Variants in PLPP3 observed in about 807,000 individuals in gnomAD.
PLPP3 encodes the protein PAP2 beta.
PLPP3 carries 6 observed loss-of-function variants against 29.6 expected under a neutral mutation model. The observed-to-expected ratio is 0.20, with a 90% CI of 0.11 to 0.40. The LOEUF (loss-of-function observed/expected upper bound fraction) is 0.40. Among genes scored for constraint, PLPP3 ranks in the 10% least tolerant of loss-of-function variants. PLPP3 has a pLI of 1.00. For synonymous variants in PLPP3, 152 were observed against 159.7 expected, an observed-to-expected ratio of 0.95 and a Z score of 0.36; for missense variants, 308 against 407.7, an observed-to-expected ratio of 0.76 and a Z score of 2.11.
chr1:56,573,207 C>T (rs975143795), intron 1 of PLPP3, among the ~76,000 whole-genome samples: 3 of 152,136 alleles, frequency 2.0e-5, no homozygotes, highest in Admixed American at 2.0e-4. Context: ...ACATAGAGTT[C>T]GGTTTACAAC....
chr1:56,560,247 G>A (rs2100296139), intron 1 of PLPP3, among the ~76,000 whole-genome samples: 1 of 152,150 alleles, frequency 6.6e-6, no homozygotes, highest in East Asian at 1.9e-4. Context: ...GCATATTTGT[G>A]GAAATGACTC....
At chr1:56,544,881 T>C (rs1040697203) in intron 1 of PLPP3, among the ~76,000 whole-genome samples, 7 of 152,148 alleles carry the variant, frequency 4.6e-5, no homozygotes, top group Non-Finnish European at 8.8e-5. Flanking sequence ...CTCATAAGTC[T>C]CCCTTATGAC....
intron 1 of PLPP3, among the ~76,000 whole-genome samples, chr1:56,577,280 T>C (rs1048354171): frequency 2.0e-5 from 3 of 152,214 alleles, no homozygotes; most frequent in African/African-American, 7.2e-5. Context: ...TGCATGATAA[T>C]GAGCCAGCTG....
chr1:56,527,836 G>A (rs1336432589), intron 2 of PLPP3, among the ~76,000 whole-genome samples: 1 of 152,100 alleles, frequency 6.6e-6, no homozygotes, highest in Non-Finnish European at 1.5e-5. Context: ...CTCTACAGAC[G>A]AGGCGAAGGC....
At chr1:56,533,341 C>G (rs968822624) in intron 2 of PLPP3, among the ~76,000 whole-genome samples, 1 of 152,100 alleles carries the variant, frequency 6.6e-6, no homozygotes, top group Non-Finnish European at 1.5e-5. Flanking sequence ...TGTTATTTGC[C>G]TGCTCGAGAT....
At chr1:56,513,454 C>G (rs1645759340) in intron 4 of PLPP3, 2 of 152,632 alleles carry the variant, frequency 1.3e-5, no homozygotes. Context: ...AAAGATAGAC[C>G]TGTGGCAGTG....
At position 56,573,779 on chromosome 1, in the gene PLPP3, C is replaced by G. The variant is rs182462707; in HGVS notation, c.139+5099G>C. 9.8e-4 allele frequency among the ~76,000 whole-genome samples: 150 copies of G among 152,324 alleles called. No individual in the cohort carries two copies. In the Middle Eastern group the frequency reaches 0.01, roughly 10 times the overall value. On this transcript the variant is annotated intron_variant, in intron 1 of 5. Transcript: ENST00000371250. The stretch of plus-strand genomic sequence containing the variant: ...TTCTCCATAAATATAACTGCCTACA[C>G]AGGGAAGAAGCCCTTGACTATGGTC...
At chr1:56,576,116 C>A (rs904492491) in intron 1 of PLPP3, among the ~76,000 whole-genome samples, 1 of 152,092 alleles carries the variant, frequency 6.6e-6, no homozygotes, top group Non-Finnish European at 1.5e-5. Context: ...AAGAATTTAA[C>A]GTTCTAAAAA....
At chr1:56,522,958 G>T (rs1645829356) in intron 4 of PLPP3, among the ~76,000 whole-genome samples, 1 of 152,118 alleles carries the variant, frequency 6.6e-6, no homozygotes, top group Non-Finnish European at 1.5e-5. Context: ...CCAGCAGCTG[G>T]AGGCAAGCAG....
intron 2 of PLPP3, among the ~76,000 whole-genome samples, chr1:56,533,172 A>G (rs1645901993): frequency 6.6e-6 from 1 of 151,676 alleles, no homozygotes; most frequent in Non-Finnish European, 1.5e-5. Context: ...CTCCTGCCTC[A>G]GTCTCCCAAG....
intron 1 of PLPP3, among the ~76,000 whole-genome samples, chr1:56,564,541 G>A (rs1265106372): frequency 6.6e-6 from 1 of 152,110 alleles, no homozygotes; most frequent in Non-Finnish European, 1.5e-5. Context: ...TCACAGCTAG[G>A]GCAAGCACAG....
chr1:56,530,025 G>A (rs1645877164), intron 2 of PLPP3, among the ~76,000 whole-genome samples: 1 of 152,028 alleles, frequency 6.6e-6, no homozygotes, highest in Non-Finnish European at 1.5e-5. Context: ...AGAGTCATGG[G>A]CCTCCTGAAT....
At chr1:56,564,862 A>AT (rs1440933281) in intron 1 of PLPP3, among the ~76,000 whole-genome samples, 4 of 152,242 alleles carry the variant, frequency 2.6e-5, no homozygotes, top group African/African-American at 9.6e-5. Context: ...GACAAACCCA[A>AT]TAAACAAAAG....
chr1:56,496,407 T>C lies in PLPP3; in HGVS notation c.*144A>G. 17 of 1,040,356 alleles carry C rather than the reference T, an allele frequency of 1.6e-5. No individual in the cohort carries two copies. The highest frequency in any genetic ancestry group is 2.6e-5 in the East Asian group (1 of 38,398). 64.4% of individuals were successfully genotyped at this position (1,040,356 alleles called of 1,614,324 possible). The stretch of plus-strand genomic sequence containing the variant: ...ACACTACCTATTTTGGAAGGCCACA[T>C]AGTAAAACATTTTTTTTTTCCTTTT... On this transcript the variant is annotated 3_prime_UTR_variant, in exon 6 of 6. Transcript: ENST00000371250.
At chr1:56,566,234 C>A (rs530832175) in intron 1 of PLPP3, among the ~76,000 whole-genome samples, 1 of 152,234 alleles carries the variant, frequency 6.6e-6, no homozygotes, top group Admixed American at 6.5e-5. Flanking sequence ...GTTGCCAATG[C>A]GAAAGCCAGC....
intron 1 of PLPP3, among the ~76,000 whole-genome samples, chr1:56,543,572 T>C (rs1043150243): frequency 6.6e-6 from 1 of 152,220 alleles, no homozygotes; most frequent in African/African-American, 2.4e-5. Flanking sequence ...GTGACAGGGC[T>C]TCTATTTAAA....
At chr1:56,556,810 C>T (rs2100290595) in intron 1 of PLPP3, among the ~76,000 whole-genome samples, 1 of 149,764 alleles carries the variant, frequency 6.7e-6, no homozygotes, top group East Asian at 2.0e-4. Flanking sequence ...CTTGTAATCC[C>T]AGCAATTTGG....
chr1:56,523,964 G>A (rs938092435), intron 3 of PLPP3, 84 bp from the exon 4 acceptor site: 3 of 1,471,142 alleles, frequency 2.0e-6, no homozygotes, highest in Non-Finnish European at 2.8e-6. Context: ...TCCCTAGACT[G>A]TAACCTTGAG....
chr1:56,553,126 C>A (rs949141112), intron 1 of PLPP3, among the ~76,000 whole-genome samples: 13 of 152,118 alleles, frequency 8.5e-5, no homozygotes, highest in Non-Finnish European at 1.8e-4. Context: ...TTCCTCAGAG[C>A]ATTCTCTGAG....
Sources: allele counts gnomAD v4.1 joint callset (sites outside exome capture counted in the v4.1 genomes callset), GRCh38; gene constraint gnomAD v4.1.1; transcripts MANE v1.5; gene names NCBI Gene and HGNC (gene_info 2026-07-23, HGNC 2026-07-21).